CACNA2D3: variants seen among roughly 807,000 people sequenced by gnomAD.
The protein encoded by CACNA2D3 is calcium voltage-gated channel auxiliary subunit alpha2delta 3, also known as voltage-dependent calcium channel subunit alpha-2/delta-3.
Under a neutral mutation model 160.6 loss-of-function variants are expected in CACNA2D3, and 60 were observed. That is an observed-to-expected ratio of 0.37 (90% CI 0.30 to 0.46). The LOEUF is 0.46. Among genes scored for constraint, CACNA2D3 ranks in the 20% least tolerant of loss-of-function variants. The pLI is 1.00. For missense variants in CACNA2D3, 1,205 were observed against 1,365.0 expected (o/e 0.88, Z 1.85); for synonymous variants, 558 against 492.9 (o/e 1.13, Z -1.75).
intron 4 of CACNA2D3, among the ~76,000 whole-genome samples, chr3:54,501,534 G>A (rs1701293953): frequency 6.6e-6 from 1 of 151,276 alleles, no homozygotes; most frequent in South Asian, 2.1e-4. Context: ...AGCCTCCTAA[G>A]TAGCTGGGAC....
chr3:54,463,680 TA>T (rs202013596), intron 4 of CACNA2D3, among the ~76,000 whole-genome samples: 2,947 of 152,326 alleles, frequency 0.019, 76 homozygotes, highest in East Asian at 0.1. Flanking sequence ...TCTAAGTTTT[TA>T]ATCAAAGTTT....
intron 14 of CACNA2D3, among the ~76,000 whole-genome samples, chr3:54,821,361 A>C (rs908153627): frequency 1.5e-4 from 23 of 152,172 alleles, no homozygotes; most frequent in African/African-American, 4.3e-4. Flanking sequence ...GAACAGCTTA[A>C]CTTGCCTCCT....
intron 11 of CACNA2D3, among the ~76,000 whole-genome samples, chr3:54,697,563 C>T (rs1043291862): frequency 3.9e-5 from 6 of 152,312 alleles, no homozygotes; most frequent in African/African-American, 1.4e-4. Context: ...TGCCCTTTCT[C>T]CACCTCTTTT....
chr3:54,680,881 G>C (rs756819285), intron 11 of CACNA2D3, among the ~76,000 whole-genome samples: 1 of 152,128 alleles, frequency 6.6e-6, no homozygotes, highest in Non-Finnish European at 1.5e-5. Flanking sequence ...TATTCTCCAG[G>C]GGTAGACTGA....
At chr3:54,360,197 AT>A (rs1449150166) in intron 3 of CACNA2D3, among the ~76,000 whole-genome samples, 8 of 152,126 alleles carry the variant, frequency 5.3e-5, no homozygotes, top group Admixed American at 3.3e-4. Flanking sequence ...AGCCAAAAAT[AT>A]TTACCATTTG....
intron 11 of CACNA2D3, among the ~76,000 whole-genome samples, chr3:54,741,996 A>G (rs144554479): frequency 0.014 from 2,134 of 152,054 alleles, 31 homozygotes; most frequent in Middle Eastern, 0.034. Flanking sequence ...TCTTCCAAGT[A>G]GCTAGGACTA....
chr3:54,456,516 T>G (rs190216558), intron 4 of CACNA2D3, among the ~76,000 whole-genome samples: 20 of 152,086 alleles, frequency 1.3e-4, no homozygotes, highest in Admixed American at 1.2e-3. Context: ...CAGATTCTTT[T>G]GAGAATTTTT....
chr3:54,640,647 C>T (rs1331840695), intron 10 of CACNA2D3, among the ~76,000 whole-genome samples: 1 of 152,122 alleles, frequency 6.6e-6, no homozygotes, highest in African/African-American at 2.4e-5. Flanking sequence ...TACATGCTAA[C>T]GTATAAACTA....
intron 11 of CACNA2D3, among the ~76,000 whole-genome samples, chr3:54,698,432 G>A (rs745553773): frequency 6.6e-6 from 1 of 152,192 alleles, no homozygotes; most frequent in Non-Finnish European, 1.5e-5. Context: ...CTTTAAACTT[G>A]CTTTGTTGCC....
intron 14 of CACNA2D3, among the ~76,000 whole-genome samples, chr3:54,820,849 A>G (rs1173608364): frequency 1.3e-5 from 2 of 152,226 alleles, no homozygotes; most frequent in African/African-American, 2.4e-5. Flanking sequence ...ATATATGTTC[A>G]ATAGTAATAC....
intron 2 of CACNA2D3, among the ~76,000 whole-genome samples, chr3:54,150,080 G>T (rs1261191779): frequency 6.6e-6 from 1 of 150,426 alleles, no homozygotes; most frequent in Non-Finnish European, 1.5e-5. Flanking sequence ...ACTAGTAACA[G>T]ATTTGACCTT....
chr3:54,716,455 T>G (rs1701051414), intron 11 of CACNA2D3, among the ~76,000 whole-genome samples: 1 of 152,134 alleles, frequency 6.6e-6, no homozygotes, highest in Non-Finnish European at 1.5e-5. Flanking sequence ...ATATGTTGCG[T>G]GTGAAAAGGA....
At chr3:54,918,332 C>CTTTT (rs533596688) in intron 27 of CACNA2D3, 8,228 of 227,926 alleles carry the variant, frequency 0.036, 1,309 homozygotes, top group Non-Finnish European at 0.046. Flanking sequence ...TTTTTTTTTT[C>CTTTT]TTTTTTTTTT....
chr3:54,137,020 C>A (rs961926697), intron 2 of CACNA2D3, among the ~76,000 whole-genome samples: 1 of 152,192 alleles, frequency 6.6e-6, no homozygotes, highest in Non-Finnish European at 1.5e-5. Context: ...CTGCCCTGTG[C>A]ACCTCTTCTC....
Position 54,736,087 on chromosome 3 carries a change from G to GTA in CACNA2D3, c.1168-16511_1168-16510insAT, listed in dbSNP as rs1559563720. On this transcript the variant is annotated intron_variant, in intron 11 of 37. Coordinates refer to ENST00000474759, the MANE Select transcript of CACNA2D3 (RefSeq NM_018398.3). ...TATATATATATACATATATATGTAT[G>GTA]TGTATATATATACATATATATGTAT... Among the ~76,000 whole-genome samples, 79 of 20,208 alleles carry GTA rather than the reference G, an allele frequency of 3.9e-3. 2 individuals carry two copies. Among genetic ancestry groups the GTA allele is most frequent in the African/African-American group, 0.011 (70 of 6,184 alleles). The allele number at this position is 20,208 out of a possible 152,430, so 13.3% of individuals were successfully genotyped here.
At chr3:54,965,996 C>T (rs79724364) in intron 27 of CACNA2D3, among the ~76,000 whole-genome samples, 5,350 of 152,134 alleles carry the variant, frequency 0.035, 157 homozygotes, top group East Asian at 0.054. Flanking sequence ...AAGATGAAAG[C>T]GCCCCAAGGA....
intron 13 of CACNA2D3, among the ~76,000 whole-genome samples, chr3:54,802,811 A>AG (rs1435130088): frequency 6.6e-6 from 1 of 152,140 alleles, no homozygotes; most frequent in Non-Finnish European, 1.5e-5. Context: ...GCACCCCCCC[A>AG]GTAGGGGCAG....
chr3:54,367,902 G>A (rs1372250916), intron 3 of CACNA2D3, among the ~76,000 whole-genome samples: 1 of 152,066 alleles, frequency 6.6e-6, no homozygotes, highest in Non-Finnish European at 1.5e-5. Context: ...CTAGTATTTT[G>A]TGTGTCTGTC....
In CACNA2D3 at chr3:54,860,011, CACAA is replaced by C. The variant is rs1354649138; in HGVS notation, c.1627-11524_1627-11521del. Among the ~76,000 whole-genome samples, 16 of 151,638 alleles carry C rather than the reference CACAA, an allele frequency of 1.1e-4. No individual in the cohort carries two copies. The South Asian group carries it at 2.9e-3, about 28-fold the overall frequency. ...ACACACACACACACACACACACACA[CACAA>C]ACACACATATTCCAAATTAGATCGG... On this transcript the variant is annotated intron_variant, in intron 17 of 37. Transcript: ENST00000474759.
Sources: allele counts gnomAD v4.1 joint callset (sites outside exome capture counted in the v4.1 genomes callset), GRCh38; gene constraint gnomAD v4.1.1; transcripts MANE v1.5; gene names NCBI Gene and HGNC (gene_info 2026-07-23, HGNC 2026-07-21).